Variants in CDKAL1 observed in about 807,000 individuals in gnomAD.
The protein encoded by CDKAL1 is CDKAL1 threonylcarbamoyladenosine tRNA methylthiotransferase.
Under a neutral mutation model 68.2 loss-of-function variants are expected in CDKAL1, and 32 were observed. The observed-to-expected ratio is 0.47, with a 90% CI of 0.35 to 0.63. The LOEUF is 0.63. CDKAL1 is among the 30% of genes least tolerant of loss of function. The pLI is 0.00. For synonymous variants in CDKAL1, 234 were observed against 244.3 expected, an observed-to-expected ratio of 0.96 and a Z score of 0.39; for missense variants, 606 against 696.7, an observed-to-expected ratio of 0.87 and a Z score of 1.47.
chr6:20,841,642 C>A (rs972300447), intron 8 of CDKAL1, among the ~76,000 whole-genome samples: 9 of 152,206 alleles, frequency 5.9e-5, no homozygotes, highest in Admixed American at 5.9e-4. Context: ...GGCGTGATGG[C>A]TCACGCCTGT....
At chr6:20,766,960 T>C (rs1437977470) in intron 7 of CDKAL1, among the ~76,000 whole-genome samples, 2 of 152,166 alleles carry the variant, frequency 1.3e-5, no homozygotes, top group African/African-American at 4.8e-5. Context: ...TACAAAATGT[T>C]CACTTAATGT....
At chr6:20,633,324 C>T (rs2127743524) in intron 4 of CDKAL1, among the ~76,000 whole-genome samples, 1 of 152,296 alleles carries the variant, frequency 6.6e-6, no homozygotes, top group South Asian at 2.1e-4. Flanking sequence ...CTTTCACTTA[C>T]ATAATGTTTT....
intron 13 of CDKAL1, among the ~76,000 whole-genome samples, chr6:21,186,851 A>G (rs1778035947): frequency 6.6e-6 from 1 of 152,116 alleles, no homozygotes; most frequent in African/African-American, 2.4e-5. Flanking sequence ...CAACATCATA[A>G]TGTTTTAGAG....
Position 20,692,734 on chromosome 6 carries a change from C to G in CDKAL1, c.371+43357C>G, listed in dbSNP as rs192481572. Among the ~76,000 whole-genome samples the G allele has an allele frequency of 1.7e-3, 249 of 146,712 alleles. 1 individual carries two copies. Among genetic ancestry groups the G allele is most frequent in the African/African-American group, 6.1e-3 (221 of 36,516 alleles). On this transcript the variant is annotated intron_variant, in intron 5 of 15. Coordinates refer to ENST00000274695, the MANE Select transcript of CDKAL1 (RefSeq NM_017774.3). ...AATATTTTTCTTTATCAGCCCAGAACATTAAAAAAAAACCCTAACCTACTG... is the reference window on the plus strand; with the variant it reads ...AATATTTTTCTTTATCAGCCCAGAAGATTAAAAAAAAACCCTAACCTACTG...
chr6:20,569,436 CTCA>C (rs1489012224), intron 4 of CDKAL1, among the ~76,000 whole-genome samples: 1 of 152,194 alleles, frequency 6.6e-6, no homozygotes, highest in African/African-American at 2.4e-5. Context: ...TTCTTCCTGA[CTCA>C]TCATCCCTTC....
chr6:21,188,889 A>G (rs768570514), intron 13 of CDKAL1, among the ~76,000 whole-genome samples: 2 of 152,206 alleles, frequency 1.3e-5, no homozygotes, highest in African/African-American at 4.8e-5. Flanking sequence ...ATGTACAGGC[A>G]GGTGGTTAAA....
chr6:20,997,349 A>G (rs1767174890), intron 10 of CDKAL1, among the ~76,000 whole-genome samples: 1 of 152,182 alleles, frequency 6.6e-6, no homozygotes, highest in Admixed American at 6.5e-5. Flanking sequence ...AACAAAAAAT[A>G]CATACTTTGT....
chr6:20,552,767 A>C (rs1763884856), intron 4 of CDKAL1, among the ~76,000 whole-genome samples: 1 of 152,128 alleles, frequency 6.6e-6, no homozygotes, highest in Non-Finnish European at 1.5e-5. Context: ...AGACTGTGGG[A>C]ATACTTTCTT....
At chr6:21,070,584 C>T (rs542671111) in intron 12 of CDKAL1, among the ~76,000 whole-genome samples, 4 of 151,762 alleles carry the variant, frequency 2.6e-5, no homozygotes, top group South Asian at 2.1e-4. Flanking sequence ...GGTGTTTTTT[C>T]GCCCTGTGTC....
At chr6:21,062,208 T>C (rs771602722) in intron 11 of CDKAL1, among the ~76,000 whole-genome samples, 17 of 152,194 alleles carry the variant, frequency 1.1e-4, no homozygotes, top group Non-Finnish European at 2.1e-4. Flanking sequence ...CTGAGGACAA[T>C]AACCTTTGTT....
intron 9 of CDKAL1, among the ~76,000 whole-genome samples, chr6:20,856,636 A>G (rs1759352695): frequency 6.6e-6 from 1 of 152,236 alleles, no homozygotes; most frequent in African/African-American, 2.4e-5. Flanking sequence ...TACCTTTACT[A>G]AACAAAATTC....
chr6:20,937,879 T>G (rs1763795222), intron 9 of CDKAL1, among the ~76,000 whole-genome samples: 1 of 151,910 alleles, frequency 6.6e-6, no homozygotes, highest in African/African-American at 2.4e-5. Context: ...TTTTTTCATT[T>G]TAATTAATAA....
chr6:20,757,897 C>T (rs1226606710), intron 6 of CDKAL1, among the ~76,000 whole-genome samples: 1 of 151,952 alleles, frequency 6.6e-6, no homozygotes, highest in African/African-American at 2.4e-5. Context: ...TCCTTTTAAA[C>T]TCTAGCCATG....
intron 8 of CDKAL1, among the ~76,000 whole-genome samples, chr6:20,796,781 A>G (rs1055944308): frequency 6.6e-6 from 1 of 152,254 alleles, no homozygotes; most frequent in Non-Finnish European, 1.5e-5. Context: ...TTGGGTATCC[A>G]TATGGAAAAA....
intron 5 of CDKAL1, among the ~76,000 whole-genome samples, chr6:20,716,864 A>G (rs6935599): frequency 0.31 from 47,358 of 151,680 alleles, 9,616 homozygotes; most frequent in African/African-American, 0.57. Flanking sequence ...GATCACCCAG[A>G]GAATGTGGGA....
chr6:21,052,952 G>A (rs1392791461), intron 11 of CDKAL1, among the ~76,000 whole-genome samples: 1 of 152,172 alleles, frequency 6.6e-6, no homozygotes, highest in Admixed American at 6.5e-5. Context: ...TCTGTCTTCA[G>A]AAAGGTATTT....
At chr6:20,556,707 A>C (rs1029585330) in intron 4 of CDKAL1, among the ~76,000 whole-genome samples, 1 of 152,130 alleles carries the variant, frequency 6.6e-6, no homozygotes, top group African/African-American at 2.4e-5. Flanking sequence ...AGGAAAAACA[A>C]AATGTTAACT....
intron 13 of CDKAL1, among the ~76,000 whole-genome samples, chr6:21,125,501 C>T (rs1017705255): frequency 3.9e-5 from 6 of 151,998 alleles, no homozygotes; most frequent in South Asian, 2.1e-4. Flanking sequence ...GGAGAAACCC[C>T]GTCTCTACTA....
At chr6:20,778,593 G>A (rs182167569) in intron 7 of CDKAL1, among the ~76,000 whole-genome samples, 2 of 152,190 alleles carry the variant, frequency 1.3e-5, no homozygotes, top group Admixed American at 6.5e-5. Flanking sequence ...CAGCAAGCTG[G>A]AAACCTCAGA....
Sources: allele counts gnomAD v4.1 joint callset (sites outside exome capture counted in the v4.1 genomes callset), GRCh38; gene constraint gnomAD v4.1.1; transcripts MANE v1.5; gene names NCBI Gene and HGNC (gene_info 2026-07-23, HGNC 2026-07-21).